SYT16: variants seen among roughly 807,000 people sequenced by gnomAD.
SYT16 encodes the protein synaptotagmin 16, also known as synaptotagmin-16.
A neutral mutation model predicts 61.4 loss-of-function variants in SYT16; 42 were observed. The ratio of observed to expected loss-of-function variants is 0.68; its 90% CI spans 0.53 to 0.89. SYT16 has a LOEUF of 0.89. SYT16 is among the 40% of genes least tolerant of loss of function. The probability of loss-of-function intolerance (pLI) is 0.00; values close to 1 mark genes in which losing one functional copy is unlikely to be tolerated. For synonymous variants in SYT16, 314 were observed against 302.3 expected (o/e 1.04, Z -0.40); for missense variants, 804 against 807.3 (o/e 1.00, Z 0.05).
At chr14:61,995,365 T>C (rs1389035765) in intron 2 of SYT16, among the ~76,000 whole-genome samples, 1 of 152,114 alleles carries the variant, frequency 6.6e-6, no homozygotes, top group East Asian at 1.9e-4. Context: ...AGAATAGATA[T>C]GATTTCTAGA....
chr14:61,902,945 G>A (rs1025121347), intron 1 of SYT16, among the ~76,000 whole-genome samples: 1 of 152,200 alleles, frequency 6.6e-6, no homozygotes, highest in African/African-American at 2.4e-5. Context: ...CCCACAACAC[G>A]TGGGAATTAT....
Position 62,055,776 on chromosome 14 carries a change from A to G in SYT16, c.524-13827A>G, listed in dbSNP as rs551792124. Among the ~76,000 whole-genome samples the G allele has an allele frequency of 9.8e-4, 149 of 152,338 alleles. 1 individual carries two copies. The highest frequency in any genetic ancestry group is 1.2e-3 in the Non-Finnish European group (81 of 68,016). On this transcript the variant is annotated intron_variant, in intron 3 of 7. Transcript: ENST00000683842. ...CAAAGCTAATAGGATGGATGTATATATAAAGGGGAGTTTATTAAGGAGTAT... is the reference window on the plus strand; with the variant it reads ...CAAAGCTAATAGGATGGATGTATATGTAAAGGGGAGTTTATTAAGGAGTAT...
chr14:62,008,469 C>T (rs2053312577), intron 3 of SYT16, among the ~76,000 whole-genome samples: 1 of 151,950 alleles, frequency 6.6e-6, no homozygotes. Context: ...CAGATCTTAA[C>T]ATTTTGTCAT....
At chr14:61,937,345 G>T (rs1282595985) in intron 1 of SYT16, among the ~76,000 whole-genome samples, 2 of 152,198 alleles carry the variant, frequency 1.3e-5, no homozygotes, top group African/African-American at 2.4e-5. Flanking sequence ...AAAAGAAAAG[G>T]CGATCCTTTG....
At chr14:62,073,370 C>T (rs944037160) in intron 4 of SYT16, among the ~76,000 whole-genome samples, 8 of 152,096 alleles carry the variant, frequency 5.3e-5, no homozygotes, top group Non-Finnish European at 1.0e-4. Context: ...AGGACATTTT[C>T]CTGTTCGCAT....
In SYT16 at chr14:62,108,682, T is replaced by C. The variant is rs2057553398; in HGVS notation, c.*7975T>C. On this transcript the variant is annotated 3_prime_UTR_variant, in exon 8 of 8. Transcript: ENST00000683842. The stretch of plus-strand genomic sequence containing the variant: ...CAGCTGCAAATTCAATTTTGTGAAA[T>C]ACAAAGTCCTTTCCAGAATTTTAAA... 1 of 152,156 alleles carries C rather than the reference T, an allele frequency of 6.6e-6. No homozygotes were observed. The highest frequency in any genetic ancestry group is 1.5e-5 in the Non-Finnish European group (1 of 68,008). The allele number at this position is 152,156 out of a possible 1,614,324, so 9.4% of individuals were successfully genotyped here.
intron 1 of SYT16, among the ~76,000 whole-genome samples, chr14:61,945,722 G>A (rs2050399604): frequency 6.6e-6 from 1 of 151,904 alleles, no homozygotes. Flanking sequence ...CGGGCGTGGT[G>A]GCGGGTGCCT....
chr14:61,839,034 G>A (rs140612061), intron 1 of SYT16, among the ~76,000 whole-genome samples: 2 of 146,536 alleles, frequency 1.4e-5, no homozygotes, highest in Admixed American at 7.1e-5. Flanking sequence ...AGATGACCTC[G>A]CAGCCACAAT....
At chr14:62,017,278 A>G (rs1324009989) in intron 3 of SYT16, among the ~76,000 whole-genome samples, 1 of 152,158 alleles carries the variant, frequency 6.6e-6, no homozygotes, top group Non-Finnish European at 1.5e-5. Flanking sequence ...CTTGATCTCC[A>G]ATGCCTCCCT....
chr14:61,947,756 A>G (rs1160835416), intron 1 of SYT16, among the ~76,000 whole-genome samples: 1 of 152,230 alleles, frequency 6.6e-6, no homozygotes. Context: ...GCTGGATTAA[A>G]CTAACAATGA....
intron 1 of SYT16, among the ~76,000 whole-genome samples, chr14:61,877,410 C>T (rs1458773797): frequency 1.3e-5 from 2 of 152,140 alleles, no homozygotes; most frequent in African/African-American, 2.4e-5. Flanking sequence ...TAAGGGAGGA[C>T]CATGAATTGC....
intron 3 of SYT16, among the ~76,000 whole-genome samples, chr14:62,050,028 G>T (rs1397137634): frequency 2.6e-5 from 4 of 152,206 alleles, no homozygotes; most frequent in Non-Finnish European, 5.9e-5. Flanking sequence ...TGCCTTGCTA[G>T]ATTTGGGAAG....
intron 3 of SYT16, among the ~76,000 whole-genome samples, chr14:62,031,784 C>T (rs1053098726): frequency 3.9e-5 from 6 of 151,962 alleles, no homozygotes; most frequent in Non-Finnish European, 5.9e-5. Context: ...TCCTTGACAC[C>T]GGGGAAACAA....
chr14:61,812,887 G>C (rs1032558311), intron 1 of SYT16, 77 bp downstream of exon 1: 1 of 152,308 alleles, frequency 6.6e-6, no homozygotes, highest in South Asian at 2.1e-4. Context: ...GATTTCAGAC[G>C]CTGCCTTTGT....
chr14:62,088,538 A>G (rs981037094), intron 7 of SYT16, among the ~76,000 whole-genome samples: 1 of 152,166 alleles, frequency 6.6e-6, no homozygotes, highest in Non-Finnish European at 1.5e-5. Flanking sequence ...ATTGATAGGG[A>G]TGTGAGTTAA....
Position 62,009,537 on chromosome 14 carries a change from C to T in SYT16, c.523+12995C>T, listed in dbSNP as rs559373889. On this transcript the variant is annotated intron_variant, in intron 3 of 7. Transcript: ENST00000683842. ...TACTATCTCTCAGCTCAAATCCATT[C>T]TTCTAGATTCTGCTTTGGATGTTGG... is the stretch of plus-strand genomic sequence containing the variant. Among the ~76,000 whole-genome samples the T allele has an allele frequency of 1.2e-4, 18 of 152,312 alleles. No individual in the cohort carries two copies. The South Asian group carries it at 3.3e-3, about 28-fold the overall frequency.
At chr14:61,939,012 A>C (rs925600416) in intron 1 of SYT16, among the ~76,000 whole-genome samples, 5 of 152,112 alleles carry the variant, frequency 3.3e-5, no homozygotes, top group African/African-American at 9.7e-5. Flanking sequence ...GCGGGTGCCT[A>C]TAATCCCAGC....
chr14:61,893,039 A>G (rs2048195219), intron 1 of SYT16, among the ~76,000 whole-genome samples: 1 of 152,162 alleles, frequency 6.6e-6, no homozygotes, highest in African/African-American at 2.4e-5. Context: ...ATAGGAGGAA[A>G]AGAGTATAAA....
chr14:62,097,521 A>G (rs1340524444), intron 7 of SYT16, among the ~76,000 whole-genome samples: 1 of 152,180 alleles, frequency 6.6e-6, no homozygotes, highest in Non-Finnish European at 1.5e-5. Context: ...CAACTATTCC[A>G]CAGAAGCAGA....
Sources: gnomAD v4.1 joint callset for allele counts (sites outside exome capture counted in the v4.1 genomes callset) on GRCh38, gnomAD v4.1.1 for gene constraint, MANE v1.5 for transcripts, NCBI Gene and HGNC (gene_info 2026-07-23, HGNC 2026-07-21) for gene names.